Variants in ARHGAP10 observed in about 807,000 individuals in gnomAD.
ARHGAP10 encodes Rho GTPase activating protein 10.
Under a neutral mutation model 108.6 loss-of-function variants are expected in ARHGAP10, and 87 were observed. The ratio of observed to expected loss-of-function variants is 0.80; its 90% CI spans 0.67 to 0.96. ARHGAP10 has a LOEUF of 0.96. Ranked by LOEUF, ARHGAP10 falls within the 40% of genes least tolerant of loss-of-function variation. ARHGAP10 has a pLI of 0.00. For missense variants in ARHGAP10, 939 were observed against 954.5 expected (o/e 0.98, Z 0.21); for synonymous variants, 347 against 341.1 (o/e 1.02, Z -0.19).
chr4:147,826,600 A>G (rs190147372), intron 3 of ARHGAP10, among the ~76,000 whole-genome samples: 172 of 152,268 alleles, frequency 1.1e-3, no homozygotes, highest in Non-Finnish European at 1.9e-3. Flanking sequence ...TCAAACATGT[A>G]CCAAAGTCGA....
At chr4:147,932,094 G>T (rs1215276887) in intron 13 of ARHGAP10, among the ~76,000 whole-genome samples, 1 of 152,098 alleles carries the variant, frequency 6.6e-6, no homozygotes, top group Non-Finnish European at 1.5e-5. Flanking sequence ...TTAGAGAAAT[G>T]CAAGTCAAAA....
At chr4:147,995,225 TTA>T (rs1172751889) in intron 18 of ARHGAP10, among the ~76,000 whole-genome samples, 4 of 152,228 alleles carry the variant, frequency 2.6e-5, no homozygotes, top group African/African-American at 9.6e-5. Flanking sequence ...TAACCAGTTT[TTA>T]TGTTTCACAT....
chr4:147,886,000 G>T (rs1324126676), intron 10 of ARHGAP10, among the ~76,000 whole-genome samples: 1 of 152,148 alleles, frequency 6.6e-6, no homozygotes, highest in Non-Finnish European at 1.5e-5. Flanking sequence ...CATGTGATGG[G>T]TTGTAGTCAG....
In ARHGAP10 at chr4:147,800,161, G is replaced by A. The variant is rs143835915; in HGVS notation, c.155-22566G>A. Reference sequence around the variant, plus strand: ...GGCAGAAGGGATTTCCCTAGGCTGGGCTACTAGGTGTCTCCCAGTGGGGGA... The same window carrying A: ...GGCAGAAGGGATTTCCCTAGGCTGGACTACTAGGTGTCTCCCAGTGGGGGA... On this transcript the variant is annotated intron_variant, in intron 1 of 22. Coordinates refer to ENST00000336498, the MANE Select transcript of ARHGAP10 (RefSeq NM_024605.4). Among the ~76,000 whole-genome samples, 3 of 152,302 alleles carry A rather than the reference G, an allele frequency of 2.0e-5. No individual in the cohort carries two copies. In the East Asian group the frequency reaches 5.8e-4, roughly 29 times the overall value.
At chr4:147,914,867 C>A (rs1254507618) in intron 13 of ARHGAP10, among the ~76,000 whole-genome samples, 3 of 152,026 alleles carry the variant, frequency 2.0e-5, no homozygotes, top group Admixed American at 1.3e-4. Flanking sequence ...AGTCTCTAAG[C>A]AAAAATTGGG....
In ARHGAP10 at chr4:148,063,264, C is replaced by T. The variant is rs541506840; in HGVS notation, c.2144C>T (p.Ser715Phe). The change falls in exon 21 of 23, where the codon TCT becomes TTT. Residue 715 changes from serine to phenylalanine, a missense_variant. Transcript: ENST00000336498. The stretch of plus-strand genomic sequence containing the variant: ...CCCGGGTCGTCCCCTTTCCCCTTTT[C>T]TCCTCCTGCTACTGTAGCGGACAAG... ...LSPGSSPFPF[S>F]PPATVADKPP... is the part of the protein sequence containing the mutation. 2 of 1,614,204 alleles carry T rather than the reference C, an allele frequency of 1.2e-6. No individual in the cohort carries two copies. The highest frequency in any genetic ancestry group is 2.2e-5 in the East Asian group (1 of 44,880).
intron 20 of ARHGAP10, among the ~76,000 whole-genome samples, chr4:148,049,779 G>A (rs1486987104): frequency 6.8e-6 from 1 of 147,772 alleles, no homozygotes; most frequent in South Asian, 2.1e-4. Context: ...CTTACCCCAA[G>A]CTAGATCATA....
intron 13 of ARHGAP10, among the ~76,000 whole-genome samples, chr4:147,937,419 C>A (rs1170415899): frequency 6.6e-6 from 1 of 151,856 alleles, no homozygotes; most frequent in African/African-American, 2.4e-5. Context: ...AATACAGTCA[C>A]ATTTGGAAGT....
At chr4:148,046,408 A>C (rs1483920666) in intron 19 of ARHGAP10, among the ~76,000 whole-genome samples, 2 of 152,224 alleles carry the variant, frequency 1.3e-5, no homozygotes, top group Admixed American at 1.3e-4. Context: ...GGGTATTAGA[A>C]ATTATAATCC....
chr4:147,790,914 C>T (rs1434358680), intron 1 of ARHGAP10, among the ~76,000 whole-genome samples: 6 of 152,022 alleles, frequency 3.9e-5, no homozygotes, highest in African/African-American at 1.5e-4. Context: ...GAGTTGAAGG[C>T]TCCTGTGACC....
chr4:147,796,480 G>C (rs1731321587), intron 1 of ARHGAP10, among the ~76,000 whole-genome samples: 1 of 151,946 alleles, frequency 6.6e-6, no homozygotes, highest in African/African-American at 2.4e-5. Context: ...CCTCAGTCTG[G>C]TACCCAAATA....
chr4:147,907,282 A>G (rs1736534319), intron 11 of ARHGAP10, among the ~76,000 whole-genome samples: 1 of 152,228 alleles, frequency 6.6e-6, no homozygotes, highest in Non-Finnish European at 1.5e-5. Flanking sequence ...GTTGGCCACT[A>G]TTGAAACACT....
intron 5 of ARHGAP10, among the ~76,000 whole-genome samples, chr4:147,859,984 GA>G (rs943532196): frequency 6.6e-6 from 1 of 152,176 alleles, no homozygotes; most frequent in African/African-American, 2.4e-5. Context: ...TTTTAAAGGG[GA>G]AAATGTTAGG....
In ARHGAP10 at chr4:147,732,099, G is replaced by A. The variant is rs1208764446; in HGVS notation, c.-203G>A. ...GGGCTGCCGGGATTGGGGCGCCGCA[G>A]CTAGCGCTGGTCTCGGTGGCAGCTC... On this transcript the variant is annotated 5_prime_UTR_variant, in exon 1 of 23. Transcript: ENST00000336498. 1.1e-5 allele frequency: 4 copies of A among 361,898 alleles called. No homozygotes were observed. The highest frequency in any genetic ancestry group is 1.9e-5 in the Non-Finnish European group (4 of 212,638). 22.4% of individuals were successfully genotyped at this position (361,898 alleles called of 1,614,324 possible). A position where few individuals can be genotyped will look rare whatever the true frequency, so the allele number is the denominator to read the frequency against.
chr4:147,776,451 C>G (rs1272904042), intron 1 of ARHGAP10, among the ~76,000 whole-genome samples: 1 of 152,132 alleles, frequency 6.6e-6, no homozygotes, highest in Non-Finnish European at 1.5e-5. Flanking sequence ...AAAGGCTGAT[C>G]TCAAGTGATC....
intron 13 of ARHGAP10, among the ~76,000 whole-genome samples, chr4:147,939,395 A>G (rs1194306878): frequency 1.3e-5 from 2 of 152,332 alleles, no homozygotes; most frequent in East Asian, 1.9e-4. Flanking sequence ...ATGAATTTCT[A>G]TGGTTTTCAG....
At chr4:147,896,345 GAAGTTT>G (rs1330623127) in intron 10 of ARHGAP10, among the ~76,000 whole-genome samples, 1 of 152,070 alleles carries the variant, frequency 6.6e-6, no homozygotes, top group Non-Finnish European at 1.5e-5. Context: ...TTCTTGGTGA[GAAGTTT>G]AAAAATTTTA....
At chr4:147,874,658 C>T (rs1331713744) in intron 7 of ARHGAP10, among the ~76,000 whole-genome samples, 1 of 152,154 alleles carries the variant, frequency 6.6e-6, no homozygotes, top group Admixed American at 6.5e-5. Flanking sequence ...GGAAATTCTT[C>T]TCAGGTAGCT....
chr4:147,970,111 G>C (rs915567293), intron 18 of ARHGAP10, among the ~76,000 whole-genome samples: 3 of 152,128 alleles, frequency 2.0e-5, no homozygotes, highest in African/African-American at 7.2e-5. Context: ...TCCCACTCCT[G>C]GCTCTTTGTT....
Sources: gnomAD v4.1 joint callset for allele counts (sites outside exome capture counted in the v4.1 genomes callset) on GRCh38, gnomAD v4.1.1 for gene constraint, MANE v1.5 for transcripts, NCBI Gene and HGNC (gene_info 2026-07-23, HGNC 2026-07-21) for gene names.